SLC30A10: variants seen among roughly 807,000 people sequenced by gnomAD.
SLC30A10 encodes calcium/manganese antiporter SLC30A10.
A neutral mutation model predicts 21.7 loss-of-function variants in SLC30A10; 8 were observed. The ratio of observed to expected loss-of-function variants is 0.37; its 90% CI spans 0.22 to 0.67. SLC30A10 has a LOEUF of 0.67. Ranked by LOEUF, SLC30A10 falls within the 30% of genes least tolerant of loss-of-function variation. The pLI is 0.58. For synonymous variants in SLC30A10, 272 were observed against 279.4 expected (o/e 0.97, Z 0.26); for missense variants, 521 against 642.5 (o/e 0.81, Z 2.04).
chr1:219,940,596 A>G (rs1457521636), intron 1 of SLC30A10, among the ~76,000 whole-genome samples: 1 of 152,238 alleles, frequency 6.6e-6, no homozygotes, highest in East Asian at 1.9e-4. Context: ...TGGAACTATA[A>G]GAGAGGAGAA....
At chr1:219,923,669 T>C (rs1369383477) in intron 2 of SLC30A10, among the ~76,000 whole-genome samples, 2 of 152,226 alleles carry the variant, frequency 1.3e-5, no homozygotes, top group African/African-American at 4.8e-5. Flanking sequence ...TTGATCCTAT[T>C]AAATAAAATT....
At chr1:219,957,266 C>T (rs1558263010) in intron 1 of SLC30A10, among the ~76,000 whole-genome samples, 1 of 152,076 alleles carries the variant, frequency 6.6e-6, no homozygotes, top group Admixed American at 6.6e-5. Context: ...ACTCTCATAA[C>T]ATATGTTCTA....
upstream of SLC30A10, among the ~76,000 whole-genome samples, chr1:219,931,752 A>G (rs1659972614): frequency 6.6e-6 from 1 of 152,206 alleles, no homozygotes; most frequent in Admixed American, 6.5e-5. Flanking sequence ...AAGTGCTGGT[A>G]TTATAGGCGT....
In SLC30A10 at chr1:219,918,159, T is replaced by G; in HGVS notation, c.958+96A>C. 6.8e-7 allele frequency: 1 copy of G among 1,475,126 alleles called. No homozygotes were observed. Among genetic ancestry groups the G allele is most frequent in the African/African-American group, 1.4e-5 (1 of 71,556 alleles). 91.4% of individuals were successfully genotyped at this position (1,475,126 alleles called of 1,614,324 possible). On this transcript the variant is annotated intron_variant, in intron 3 of 3. Transcript: ENST00000366926. This position sits in a 1 kb window ranked among gnomAD's most constrained non-coding sequence, Gnocchi z 4.4. ...CCTGGTGATTTAAGGTGTTTCAGAA[T>G]ACATAACTCAAACACTGCTCTTAAA...
rs1383090891 is a variant in SLC30A10 at position 219,910,939 on chromosome 1, T to C, written c.*4510A>G. On this transcript the variant is annotated 3_prime_UTR_variant, in exon 4 of 4. Transcript: ENST00000366926. Reference sequence around the variant, plus strand: ...CATGCAGATTACATTGAGGATTATCTTTCAATGCAATTTCCACTTGAGAAA... The same window carrying C: ...CATGCAGATTACATTGAGGATTATCCTTCAATGCAATTTCCACTTGAGAAA... 6.6e-6 allele frequency among the ~76,000 whole-genome samples: 1 copy of C among 152,194 alleles called. No homozygotes were observed. The highest frequency in any genetic ancestry group is 1.5e-5 in the Non-Finnish European group (1 of 68,034).
intron 1 of SLC30A10, among the ~76,000 whole-genome samples, chr1:219,942,386 C>A (rs1426628754): frequency 6.6e-6 from 1 of 152,174 alleles, no homozygotes; most frequent in African/African-American, 2.4e-5. Context: ...CAAAGTTTGA[C>A]TCCTTGATCA....
chr1:219,958,899 A>G (rs1386469162), upstream of SLC30A10, among the ~76,000 whole-genome samples: 4 of 152,242 alleles, frequency 2.6e-5, no homozygotes, highest in Admixed American at 2.0e-4. Context: ...CGGCAAAAGC[A>G]TCGGAGGCCA....
intron 1 of SLC30A10, among the ~76,000 whole-genome samples, chr1:219,937,633 G>C (rs1660063719): frequency 1.3e-5 from 2 of 152,216 alleles, no homozygotes; most frequent in South Asian, 4.1e-4. Context: ...TGCCAACATG[G>C]CAAAACCCCA....
At chr1:219,922,679 C>A (rs1024508991) in intron 2 of SLC30A10, among the ~76,000 whole-genome samples, 1 of 152,128 alleles carries the variant, frequency 6.6e-6, no homozygotes. Context: ...TGCCTCACCT[C>A]CCTCAGAGGC....
intron 1 of SLC30A10, among the ~76,000 whole-genome samples, chr1:219,944,585 T>G (rs1660164152): frequency 6.6e-6 from 1 of 152,152 alleles, no homozygotes; most frequent in Admixed American, 6.5e-5. Flanking sequence ...GGGACCTGTG[T>G]AACTATAACA....
intron 1 of SLC30A10, among the ~76,000 whole-genome samples, chr1:219,953,460 G>C (rs1660299034): frequency 1.3e-5 from 2 of 151,708 alleles, no homozygotes; most frequent in African/African-American, 4.8e-5. Flanking sequence ...GCCGGGTGTG[G>C]TGGCACAAGC....
rs1404042934 is a variant in SLC30A10 at position 219,928,131 on chromosome 1, G to A, written c.310C>T (p.Leu104=). 1 of 1,563,866 alleles carries A rather than the reference G, an allele frequency of 6.4e-7. No individual in the cohort carries two copies. The highest frequency in any genetic ancestry group is 8.7e-7 in the Non-Finnish European group (1 of 1,154,858). The change falls in exon 1 of 4, where the codon CTG becomes TTG. Residue 104 remains leucine, a synonymous_variant. Transcript: ENST00000366926. This position sits in a 1 kb window ranked among gnomAD's most constrained non-coding sequence, Gnocchi z 6.3. ...FTIFVEAVLR[L]ARPERIDDPE... ...TCATCGATGCGCTCGGGCCGGGCCA[G>A]GCGCAGCACGGCCTCCACGAAGATG...
intron 1 of SLC30A10, among the ~76,000 whole-genome samples, chr1:219,958,078 A>C (rs1487063784): frequency 6.6e-6 from 1 of 152,298 alleles, no homozygotes; most frequent in East Asian, 1.9e-4. Flanking sequence ...TATTCCTAAC[A>C]GTTAATCAGC....
At chr1:219,953,401 C>A (rs1165953011) in intron 1 of SLC30A10, among the ~76,000 whole-genome samples, 1 of 151,720 alleles carries the variant, frequency 6.6e-6, no homozygotes, top group African/African-American at 2.4e-5. Context: ...TCGAGACCAT[C>A]CTGGCTAACA....
At chr1:219,925,652 T>TATATATATATATA (rs1491117690) in intron 2 of SLC30A10, among the ~76,000 whole-genome samples, 106 of 37,962 alleles carry the variant, frequency 2.8e-3, no homozygotes, top group African/African-American at 3.7e-3. Flanking sequence ...TATATATATA[T>TATATATATATATA]TTTTTTTTTT....
intron 1 of SLC30A10, among the ~76,000 whole-genome samples, chr1:219,951,439 G>A (rs961721363): frequency 6.6e-6 from 1 of 151,168 alleles, no homozygotes. Flanking sequence ...AGGGACTTGG[G>A]GGCCGGGCGC....
At position 219,956,713 on chromosome 1, in the gene SLC30A10, G is replaced by A. The variant is rs946871924; in HGVS notation, n.80+1855C>T. Among the ~76,000 whole-genome samples the A allele has an allele frequency of 2.0e-5, 3 of 151,174 alleles. No individual in the cohort carries two copies. The East Asian group carries it at 5.8e-4, about 29-fold the overall frequency. ...AAAAAAAGAAACCCATATGGTTGGA[G>A]TGAAACATTTGTCTTAAGCCTCTTG... On this transcript the variant is annotated intron_variant and non_coding_transcript_variant, in intron 1 of 8. Coordinates refer to the SLC30A10 transcript ENST00000484239.
At chr1:219,922,177 T>TGTGTG (rs1194378922) in intron 2 of SLC30A10, among the ~76,000 whole-genome samples, 75 of 29,366 alleles carry the variant, frequency 2.6e-3, no homozygotes, top group African/African-American at 8.7e-3. Context: ...TGTGTGTGTG[T>TGTGTG]TTTTTTTTTT....
chr1:219,939,381 A>G (rs1660087521), intron 1 of SLC30A10, among the ~76,000 whole-genome samples: 1 of 152,100 alleles, frequency 6.6e-6, no homozygotes, highest in Non-Finnish European at 1.5e-5. Flanking sequence ...TGACTGTCCT[A>G]TCATTATGTG....
Sources: gnomAD v4.1 joint callset for allele counts (sites outside exome capture counted in the v4.1 genomes callset) on GRCh38, gnomAD v4.1.1 for gene constraint, Gnocchi (gnomAD v3.1) non-coding constraint, MANE v1.5 for transcripts, NCBI Gene and HGNC (gene_info 2026-07-23, HGNC 2026-07-21) for gene names.